CADPS: variants seen among roughly 807,000 people sequenced by gnomAD.
The protein encoded by CADPS is calcium-dependent secretion activator 1.
CADPS carries 57 observed loss-of-function variants against 167.3 expected under a neutral mutation model. That is an observed-to-expected ratio of 0.34 (90% CI 0.28 to 0.42). The LOEUF (loss-of-function observed/expected upper bound fraction) is 0.42, where lower values mean the gene tolerates loss of function less well. Ranked by LOEUF, CADPS falls within the 20% of genes least tolerant of loss-of-function variation. The probability of loss-of-function intolerance (pLI) is 1.00; values close to 1 mark genes in which losing one functional copy is unlikely to be tolerated. For synonymous variants in CADPS, 676 were observed against 635.3 expected (o/e 1.06, Z -0.96); for missense variants, 1,414 against 1,738.1 (o/e 0.81, Z 3.32).
At chr3:62,564,467 A>G (rs1189286034) in intron 9 of CADPS, among the ~76,000 whole-genome samples, 1 of 152,216 alleles carries the variant, frequency 6.6e-6, no homozygotes, top group Non-Finnish European at 1.5e-5. Context: ...GTAAACTCTA[A>G]GAAACCATAT....
chr3:62,788,046 A>T (rs760397704), intron 1 of CADPS, among the ~76,000 whole-genome samples: 5 of 152,136 alleles, frequency 3.3e-5, no homozygotes, highest in Non-Finnish European at 5.9e-5. Flanking sequence ...AAAAAATGTC[A>T]TACTTATTTT....
intron 28 of CADPS, among the ~76,000 whole-genome samples, chr3:62,434,250 A>C (rs767793248): frequency 6.6e-5 from 10 of 152,194 alleles, no homozygotes; most frequent in Admixed American, 2.0e-4. Context: ...ATACAATTAC[A>C]CTTCATTTTT....
At chr3:62,757,739 T>C (rs937664862) in intron 2 of CADPS, among the ~76,000 whole-genome samples, 1 of 152,274 alleles carries the variant, frequency 6.6e-6, no homozygotes, top group South Asian at 2.1e-4. Context: ...TACCCAAGAC[T>C]GGGTAATTTG....
At chr3:62,409,308 T>G (rs2048498971) in intron 28 of CADPS, among the ~76,000 whole-genome samples, 1 of 152,258 alleles carries the variant, frequency 6.6e-6, no homozygotes, top group Non-Finnish European at 1.5e-5. Flanking sequence ...TAGTCCTAGG[T>G]GTCCCTAAAG....
chr3:62,491,562 C>A (rs867817309), intron 20 of CADPS, 82 bp from the exon 21 acceptor site: 76 of 811,622 alleles, frequency 9.4e-5, no homozygotes, highest in African/African-American at 2.6e-4. Context: ...CACACAAACA[C>A]ACACACACAC....
chr3:62,541,863 C>A (rs2075751208), intron 11 of CADPS, among the ~76,000 whole-genome samples: 1 of 152,086 alleles, frequency 6.6e-6, no homozygotes, highest in Admixed American at 6.6e-5. Flanking sequence ...ATCAAGCACA[C>A]TTATATGATC....
Position 62,580,917 on chromosome 3 carries a change from C to G in CADPS, c.1577+4268G>C, listed in dbSNP as rs575679343. 1.1e-4 allele frequency among the ~76,000 whole-genome samples: 17 copies of G among 152,240 alleles called. 1 individual carries two copies. The highest frequency in any genetic ancestry group is 8.3e-4 in the South Asian group (4 of 4,828). ...TAAAATGCAGATATTTGGACTACAA[C>G]CTTAGAAAATCTTATGCTGGATTTG... On this transcript the variant is annotated intron_variant, in intron 8 of 29. Transcript: ENST00000383710.
chr3:62,731,805 C>CAAAAAAAAAAAAAAA lies in CADPS; in HGVS notation c.888+21621_888+21635dup, dbSNP rs1212456893. Among the ~76,000 whole-genome samples, 57 of 27,136 alleles carry CAAAAAAAAAAAAAAA rather than the reference C, an allele frequency of 2.1e-3. 2 individuals carry two copies. The highest frequency in any genetic ancestry group is 2.9e-3 in the Non-Finnish European group (45 of 15,712). 17.8% of individuals were successfully genotyped at this position (27,136 alleles called of 152,430 possible). ...CCTGGTGAAAGAAACTGATCATATG[C>CAAAAAAAAAAAAAAA]AAAAAAAAAAAAAAAAAAAAAAAAA... On this transcript the variant is annotated intron_variant, in intron 3 of 29. Transcript: ENST00000383710.
At chr3:62,474,367 G>GC in intron 23 of CADPS, 47 bp from the exon 24 acceptor site, 1 of 1,574,492 alleles carries the variant, frequency 6.4e-7, no homozygotes, top group Non-Finnish European at 8.7e-7. Context: ...TCAGATGGCA[G>GC]CAGGTGGAGG....
chr3:62,571,946 A>T (rs915215079), intron 8 of CADPS, among the ~76,000 whole-genome samples: 73 of 152,182 alleles, frequency 4.8e-4, no homozygotes, highest in African/African-American at 1.7e-3. Flanking sequence ...CCGATCTAGG[A>T]ATCCAGGCCT....
In CADPS at chr3:62,584,750, A is replaced by G. The variant is rs143459336; in HGVS notation, c.1577+435T>C. On this transcript the variant is annotated intron_variant, in intron 8 of 29. Transcript: ENST00000383710. The stretch of plus-strand genomic sequence containing the variant: ...TAAATGCTGCACTAAATACTAAAAT[A>G]TATTAAATGTGAGTTGATTGAAGGT... Among the ~76,000 whole-genome samples the G allele has an allele frequency of 3.8e-3, 574 of 152,346 alleles. 4 individuals carry two copies. The highest frequency in any genetic ancestry group is 0.012 in the African/African-American group (517 of 41,588).
chr3:62,865,254 G>A (rs148490441), intron 1 of CADPS, among the ~76,000 whole-genome samples: 1 of 152,104 alleles, frequency 6.6e-6, no homozygotes, highest in African/African-American at 2.4e-5. Context: ...TTTTCCCTTT[G>A]CTTTCTTAAG....
At chr3:62,425,003 A>G (rs2052332003) in intron 28 of CADPS, among the ~76,000 whole-genome samples, 1 of 152,204 alleles carries the variant, frequency 6.6e-6, no homozygotes, top group Non-Finnish European at 1.5e-5. Context: ...TGAAAATACC[A>G]TAGTTTCAGA....
chr3:62,445,872 C>A, intron 26 of CADPS, 75 bp from the exon 27 acceptor site: 1 of 1,029,318 alleles, frequency 9.7e-7, no homozygotes, highest in East Asian at 2.9e-5. Flanking sequence ...GCTGTATCCC[C>A]ATCAGAATCA....
chr3:62,846,151 C>T (rs534269513), intron 1 of CADPS, among the ~76,000 whole-genome samples: 12 of 152,144 alleles, frequency 7.9e-5, no homozygotes, highest in South Asian at 2.1e-4. Flanking sequence ...TTTCCTGCAG[C>T]CTCCCCAGCC....
chr3:62,503,805 A>G (rs375538172), intron 17 of CADPS, among the ~76,000 whole-genome samples: 20 of 152,226 alleles, frequency 1.3e-4, no homozygotes, highest in African/African-American at 4.6e-4. Context: ...CAAACATCCT[A>G]TAACAATAGC....
At chr3:62,576,788 T>TAAAAAAAAAAA (rs138055445) in intron 8 of CADPS, among the ~76,000 whole-genome samples, 419 of 29,770 alleles carry the variant, frequency 0.014, 36 homozygotes, top group Non-Finnish European at 0.018. Flanking sequence ...AGACTCTGTC[T>TAAAAAAAAAAA]AAAAAAAAAA....
rs532644628 is a variant in CADPS, at chr3:62,416,877, T to C, written c.3778-13692A>G. On this transcript the variant is annotated intron_variant, in intron 28 of 29. Transcript: ENST00000383710. ...AAGGTGACATTAATATACTTTTTTTTTTTTTCTGAGACAGGGTCTTACTCT... is the reference window on the plus strand; with the variant it reads ...AAGGTGACATTAATATACTTTTTTTCTTTTTCTGAGACAGGGTCTTACTCT... Among the ~76,000 whole-genome samples the C allele has an allele frequency of 7.9e-5, 12 of 152,108 alleles. No homozygotes were observed. In the South Asian group the frequency reaches 2.5e-3, roughly 32 times the overall value.
chr3:62,642,970 T>TCAAAA (rs923619057), intron 6 of CADPS, among the ~76,000 whole-genome samples: 11 of 141,480 alleles, frequency 7.8e-5, no homozygotes, highest in East Asian at 6.6e-4. Flanking sequence ...AACCCAAACC[T>TCAAAA]CAAAACAAAA....
Sources: gnomAD v4.1 joint callset for allele counts (sites outside exome capture counted in the v4.1 genomes callset) on GRCh38, gnomAD v4.1.1 for gene constraint, MANE v1.5 for transcripts, NCBI Gene and HGNC (gene_info 2026-07-23, HGNC 2026-07-21) for gene names.